Variants in GPC5 observed in about 807,000 individuals in gnomAD.
GPC5 encodes glypican 5.
GPC5 carries 47 observed loss-of-function variants against 53.9 expected under a neutral mutation model. The ratio of observed to expected loss-of-function variants is 0.87; its 90% CI spans 0.69 to 1.11. The LOEUF (loss-of-function observed/expected upper bound fraction) is 1.11, where lower values mean the gene tolerates loss of function less well. GPC5 is among the 50% of genes most tolerant of loss of function. The pLI, the probability that GPC5 is intolerant of heterozygous loss-of-function variation, is 0.00. For missense variants in GPC5, 748 were observed against 713.1 expected, an observed-to-expected ratio of 1.05 and a Z score of -0.56; for synonymous variants, 286 against 263.3, an observed-to-expected ratio of 1.09 and a Z score of -0.84.
chr13:92,552,922 T>C (rs1365119898), intron 7 of GPC5, among the ~76,000 whole-genome samples: 2 of 151,904 alleles, frequency 1.3e-5, no homozygotes, highest in Non-Finnish European at 2.9e-5. Flanking sequence ...GTACTTTCTT[T>C]TCTTCTCACT....
At chr13:92,522,314 C>T (rs532858994) in intron 7 of GPC5, among the ~76,000 whole-genome samples, 2 of 152,266 alleles carry the variant, frequency 1.3e-5, no homozygotes, top group African/African-American at 4.8e-5. Flanking sequence ...AAAACACATG[C>T]ACACGTATGT....
intron 7 of GPC5, among the ~76,000 whole-genome samples, chr13:92,719,174 C>CCCT (rs1594452126): frequency 6.6e-6 from 1 of 150,540 alleles, no homozygotes; most frequent in Admixed American, 6.6e-5. Context: ...ATAGCCCCCC[C>CCCT]CCACATAATG....
At chr13:91,758,393 T>A (rs2037339812) in intron 5 of GPC5, among the ~76,000 whole-genome samples, 1 of 152,044 alleles carries the variant, frequency 6.6e-6, no homozygotes, top group Non-Finnish European at 1.5e-5. Flanking sequence ...CATATAAATA[T>A]GTTTAATATA....
chr13:91,550,808 G>C (rs1024682162), intron 2 of GPC5, among the ~76,000 whole-genome samples: 12 of 152,146 alleles, frequency 7.9e-5, no homozygotes, highest in African/African-American at 2.9e-4. Context: ...CCCCCATACT[G>C]TTCTTGTGGT....
Position 91,418,460 on chromosome 13 carries a change from G to A in GPC5, c.163+19251G>A, listed in dbSNP as rs558033485. On this transcript the variant is annotated intron_variant, in intron 1 of 7. Coordinates refer to ENST00000377067, the MANE Select transcript of GPC5 (RefSeq NM_004466.6). The stretch of plus-strand genomic sequence containing the variant: ...GACACAAGCATGAAGTGGAAACAGC[G>A]AATTCAGACTACCCTTTCAAGAAGC... 9.2e-5 allele frequency among the ~76,000 whole-genome samples: 14 copies of A among 152,270 alleles called. No homozygotes were observed. In the South Asian group the frequency reaches 1.0e-3, roughly 11 times the overall value.
chr13:92,513,664 A>C (rs905617040), intron 7 of GPC5, among the ~76,000 whole-genome samples: 2 of 151,816 alleles, frequency 1.3e-5, no homozygotes, highest in African/African-American at 4.8e-5. Flanking sequence ...AATGCTTGGG[A>C]TAAGAAGTGT....
At chr13:91,644,986 A>G (rs565064775) in intron 2 of GPC5, among the ~76,000 whole-genome samples, 1 of 152,356 alleles carries the variant, frequency 6.6e-6, no homozygotes, top group Admixed American at 6.5e-5. Context: ...AGTTCAGTGG[A>G]ATACCAGGTT....
intron 7 of GPC5, among the ~76,000 whole-genome samples, chr13:92,461,844 A>C (rs551945830): frequency 9.4e-4 from 143 of 152,358 alleles, no homozygotes; most frequent in African/African-American, 3.3e-3. Context: ...TTTGTTGTTT[A>C]AGCCAGCCTG....
At chr13:92,026,397 G>T (rs530555227) in intron 6 of GPC5, among the ~76,000 whole-genome samples, 55 of 150,918 alleles carry the variant, frequency 3.6e-4, no homozygotes, top group Non-Finnish European at 6.8e-4. Context: ...TTTTACTAAG[G>T]TAAACATAGA....
intron 2 of GPC5, among the ~76,000 whole-genome samples, chr13:91,472,685 C>A (rs1194840405): frequency 6.6e-6 from 1 of 152,116 alleles, no homozygotes; most frequent in East Asian, 1.9e-4. Flanking sequence ...ATTATTAAAT[C>A]AGCATCTGAA....
intron 7 of GPC5, among the ~76,000 whole-genome samples, chr13:92,484,442 T>C (rs535773879): frequency 6.6e-6 from 1 of 152,358 alleles, no homozygotes; most frequent in African/African-American, 2.4e-5. Flanking sequence ...TATTATGTAC[T>C]ATACATAATC....
intron 7 of GPC5, among the ~76,000 whole-genome samples, chr13:92,188,792 C>T (rs1284709027): frequency 1.3e-5 from 2 of 152,176 alleles, no homozygotes; most frequent in African/African-American, 4.8e-5. Context: ...TGGTGGCCTT[C>T]CACTTTCTGG....
intron 7 of GPC5, among the ~76,000 whole-genome samples, chr13:92,548,815 A>T (rs1414297383): frequency 6.6e-6 from 1 of 152,018 alleles, no homozygotes; most frequent in Admixed American, 6.6e-5. Flanking sequence ...CAAATTGGAA[A>T]CCCATTTCCC....
intron 7 of GPC5, among the ~76,000 whole-genome samples, chr13:92,321,633 ATACATACATAC>A (rs2043216684): frequency 6.6e-6 from 1 of 152,002 alleles, no homozygotes. Flanking sequence ...ACATACATAC[ATACATACATAC>A]ATACAATAGA....
intron 7 of GPC5, among the ~76,000 whole-genome samples, chr13:92,461,510 A>T (rs549185057): frequency 4.6e-5 from 7 of 152,330 alleles, no homozygotes; most frequent in African/African-American, 1.7e-4. Flanking sequence ...TAGACTAGTC[A>T]GGGAAGGTGG....
chr13:91,536,546 AG>A (rs1566485114), intron 2 of GPC5, among the ~76,000 whole-genome samples: 1 of 152,166 alleles, frequency 6.6e-6, no homozygotes, highest in Non-Finnish European at 1.5e-5. Context: ...GGAGGTTAAA[AG>A]TCCAAAACCA....
At chr13:92,012,004 A>G (rs2040666025) in intron 6 of GPC5, among the ~76,000 whole-genome samples, 1 of 152,214 alleles carries the variant, frequency 6.6e-6, no homozygotes, top group East Asian at 1.9e-4. Flanking sequence ...AGGAGATTCT[A>G]TGAGGATAGC....
intron 6 of GPC5, among the ~76,000 whole-genome samples, chr13:92,140,147 G>A (rs2041819512): frequency 6.6e-6 from 1 of 152,176 alleles, no homozygotes; most frequent in South Asian, 2.1e-4. Flanking sequence ...AAATGAAAGG[G>A]TGTATTCTAT....
intron 2 of GPC5, among the ~76,000 whole-genome samples, chr13:91,568,157 A>T (rs1028832091): frequency 5.3e-5 from 8 of 152,208 alleles, no homozygotes; most frequent in Non-Finnish European, 1.0e-4. Flanking sequence ...TTGTTTATAA[A>T]TTACCCAGCC....
Sources: gnomAD v4.1 joint callset for allele counts (sites outside exome capture counted in the v4.1 genomes callset) on GRCh38, gnomAD v4.1.1 for gene constraint, MANE v1.5 for transcripts, NCBI Gene and HGNC (gene_info 2026-07-23, HGNC 2026-07-21) for gene names.